The following RPS6KA2 variants were observed in gnomAD, a reference collection of about 807,000 sequenced individuals.
RPS6KA2 encodes the protein ribosomal protein S6 kinase alpha-2.
Under a neutral mutation model 91.8 loss-of-function variants are expected in RPS6KA2, and 42 were observed. The observed-to-expected ratio is 0.46, with a 90% CI of 0.36 to 0.59. The LOEUF (loss-of-function observed/expected upper bound fraction) is 0.59, where lower values mean the gene tolerates loss of function less well. Ranked by LOEUF, RPS6KA2 falls within the 20% of genes least tolerant of loss-of-function variation. The probability of loss-of-function intolerance (pLI) is 0.00; values close to 1 mark genes in which losing one functional copy is unlikely to be tolerated. For synonymous variants in RPS6KA2, 414 were observed against 393.6 expected, an observed-to-expected ratio of 1.05 and a Z score of -0.61; for missense variants, 798 against 978.5, an observed-to-expected ratio of 0.82 and a Z score of 2.46.
chr6:166,628,786 C>T (rs1481586403), upstream of RPS6KA2, among the ~76,000 whole-genome samples: 8 of 152,210 alleles, frequency 5.3e-5, no homozygotes, highest in Admixed American at 5.2e-4. Flanking sequence ...TACTGGATAC[C>T]AAGAGGCTTA....
intron 10 of RPS6KA2, among the ~76,000 whole-genome samples, chr6:166,470,313 C>A (rs1780716994): frequency 6.6e-6 from 1 of 152,188 alleles, no homozygotes. Context: ...GAGTTCCTGG[C>A]AAAGCTGCTG....
At chr6:166,681,903 G>A (rs781777482) in intron 2 of RPS6KA2, among the ~76,000 whole-genome samples, 33 of 152,014 alleles carry the variant, frequency 2.2e-4, no homozygotes, top group Non-Finnish European at 3.8e-4. Context: ...CCCTTGATCG[G>A]CTCCTTCTGT....
intron 6 of RPS6KA2, among the ~76,000 whole-genome samples, chr6:166,501,247 G>C (rs61155856): frequency 6.6e-6 from 1 of 152,220 alleles, no homozygotes; most frequent in African/African-American, 2.4e-5. Context: ...ACTGCTGTGC[G>C]CAAAGCATAG....
chr6:166,688,112 G>T (rs1263813954), intron 2 of RPS6KA2, among the ~76,000 whole-genome samples: 6 of 152,138 alleles, frequency 3.9e-5, no homozygotes, highest in African/African-American at 1.4e-4. Context: ...GGGTGGGAGG[G>T]GTATGTGGGG....
rs779109340 is a variant in RPS6KA2, at chr6:166,430,566, G to A, written c.1468C>T (p.Arg490Cys). Residue 490 changes from arginine to cysteine, a missense_variant, in exon 16 of 21, where the codon CGT becomes TGT. Physicochemically the swap from Arg to Cys is radical, Grantham distance 180. Transcript: ENST00000265678. ...ATGCGGTCCAGGAGCTCCCCACCACGCATCAGCTCCATTACCAGGTACACA... is the reference window on the plus strand; with the variant it reads ...ATGCGGTCCAGGAGCTCCCCACCACACATCAGCTCCATTACCAGGTACACA... ...KFVYLVMELMRGGELLDRILR... is the reference protein window; with the variant it reads ...KFVYLVMELMCGGELLDRILR... 24 of 1,613,780 alleles carry A rather than the reference G, an allele frequency of 1.5e-5. No individual in the cohort carries two copies. The highest frequency in any genetic ancestry group is 2.2e-5 in the East Asian group (1 of 44,834).
At chr6:166,760,849 C>T (rs1007371864) in intron 2 of RPS6KA2, among the ~76,000 whole-genome samples, 5 of 152,194 alleles carry the variant, frequency 3.3e-5, no homozygotes, top group African/African-American at 1.2e-4. Flanking sequence ...CAATTCAATC[C>T]AAACTTCCAT....
At chr6:166,764,474 G>A (rs796831841) in intron 2 of RPS6KA2, among the ~76,000 whole-genome samples, 6 of 152,276 alleles carry the variant, frequency 3.9e-5, no homozygotes, top group African/African-American at 1.4e-4. Flanking sequence ...TCCTCACAAG[G>A]CAGCTCAATG....
intron 2 of RPS6KA2, among the ~76,000 whole-genome samples, chr6:166,846,694 T>G (rs928485238): frequency 6.6e-6 from 1 of 152,206 alleles, no homozygotes; most frequent in Non-Finnish European, 1.5e-5. Context: ...AATATTGGCA[T>G]AGAAGGGGCA....
chr6:166,555,672 G>A (rs554882868), intron 1 of RPS6KA2, among the ~76,000 whole-genome samples: 6 of 152,002 alleles, frequency 3.9e-5, no homozygotes, highest in South Asian at 4.2e-4. Context: ...TGTGTGCATC[G>A]GGCAAAGAAC....
At chr6:166,740,882 C>T (rs980547200) in intron 2 of RPS6KA2, among the ~76,000 whole-genome samples, 14 of 152,256 alleles carry the variant, frequency 9.2e-5, no homozygotes, top group African/African-American at 2.9e-4. Context: ...GTGGGCAAAA[C>T]GTTTGAAATG....
chr6:166,420,654 T>G (rs1778691819), intron 17 of RPS6KA2, among the ~76,000 whole-genome samples: 2 of 152,216 alleles, frequency 1.3e-5, no homozygotes, highest in Admixed American at 1.3e-4. Context: ...GACACTCTCG[T>G]GGCTTCCACC....
At chr6:166,634,404 G>C (rs563772022) in intron 2 of RPS6KA2, among the ~76,000 whole-genome samples, 2 of 152,276 alleles carry the variant, frequency 1.3e-5, no homozygotes, top group African/African-American at 4.8e-5. Context: ...CCTCTGAGTT[G>C]CTCCTCCCCC....
intron 10 of RPS6KA2, among the ~76,000 whole-genome samples, chr6:166,477,652 G>A (rs753645575): frequency 7.2e-5 from 11 of 152,154 alleles, no homozygotes; most frequent in African/African-American, 9.7e-5. Context: ...AGTGGCTCAC[G>A]CCTGTAATCT....
chr6:166,512,618 G>A (rs1189483262), intron 3 of RPS6KA2, among the ~76,000 whole-genome samples: 1 of 152,170 alleles, frequency 6.6e-6, no homozygotes, highest in African/African-American at 2.4e-5. Context: ...TTCCCGTTTG[G>A]TCTGTAATAC....
chr6:166,478,467 G>A (rs1447757084), intron 10 of RPS6KA2, among the ~76,000 whole-genome samples: 1 of 152,200 alleles, frequency 6.6e-6, no homozygotes, highest in Non-Finnish European at 1.5e-5. Flanking sequence ...TCCCGGGTGA[G>A]CTTCGGGACT....
intron 1 of RPS6KA2, among the ~76,000 whole-genome samples, chr6:166,547,914 C>G (rs1783881495): frequency 6.6e-6 from 1 of 152,206 alleles, no homozygotes; most frequent in African/African-American, 2.4e-5. Flanking sequence ...AACGTGCACA[C>G]CTTCTGACCC....
Position 166,505,431 on chromosome 6 carries a change from G to GATTT in RPS6KA2, c.460-823_460-820dup, listed in dbSNP as rs574260033. On this transcript the variant is annotated intron_variant, in intron 5 of 20. Coordinates refer to ENST00000265678, the MANE Select transcript of RPS6KA2 (RefSeq NM_021135.6). Reference sequence around the variant, plus strand: ...CCCGACTTGTTAGAATCAGCACATAGATTTTGTAGACCCCCTTAAGAGGAA... The same window carrying GATTT: ...CCCGACTTGTTAGAATCAGCACATAGATTTATTTTGTAGACCCCCTTAAGAGGAA... 1.4e-4 allele frequency among the ~76,000 whole-genome samples: 21 copies of GATTT among 152,320 alleles called. No individual in the cohort carries two copies. The East Asian group carries it at 4.0e-3, about 29-fold the overall frequency.
chr6:166,500,387 G>C lies in RPS6KA2; in HGVS notation c.604+500C>G, dbSNP rs1382575667. 6.6e-6 allele frequency among the ~76,000 whole-genome samples: 1 copy of C among 152,226 alleles called. No individual in the cohort carries two copies. Among genetic ancestry groups the C allele is most frequent in the African/African-American group, 2.4e-5 (1 of 41,454 alleles). On this transcript the variant is annotated intron_variant, in intron 7 of 20. Coordinates refer to ENST00000265678, the MANE Select transcript of RPS6KA2 (RefSeq NM_021135.6). The surrounding 1 kb of genome is among the most constrained non-coding windows in gnomAD (Gnocchi z 4.3). ...GCTGGTGGCTGCCAGGGCTCAGATG[G>C]AAACAGGGAGGGAAGTCACGTGGCC... is the stretch of plus-strand genomic sequence containing the variant.
chr6:166,763,087 C>A (rs767474438), intron 2 of RPS6KA2, among the ~76,000 whole-genome samples: 69 of 152,158 alleles, frequency 4.5e-4, no homozygotes, highest in Non-Finnish European at 8.4e-4. Flanking sequence ...ATATTTGGGA[C>A]CCAGTAACTG....
Sources: gnomAD v4.1 joint callset for allele counts (sites outside exome capture counted in the v4.1 genomes callset) on GRCh38, gnomAD v4.1.1 for gene constraint, Gnocchi (gnomAD v3.1) non-coding constraint, MANE v1.5 for transcripts, NCBI Gene and HGNC (gene_info 2026-07-23, HGNC 2026-07-21) for gene names.